HMGCLL1: variants seen among roughly 807,000 people sequenced by gnomAD.
HMGCLL1 encodes the protein 3-hydroxy-3-methylglutaryl-CoA lyase like 1.
Under a neutral mutation model 39.1 loss-of-function variants are expected in HMGCLL1, and 36 were observed. That is an observed-to-expected ratio of 0.92 (90% CI 0.71 to 1.22). The LOEUF is 1.22. HMGCLL1 is among the 50% of genes most tolerant of loss of function. The pLI is 0.00. For synonymous variants in HMGCLL1, 149 were observed against 144.0 expected (o/e 1.03, Z -0.25); for missense variants, 451 against 416.5 (o/e 1.08, Z -0.72).
At chr6:55,563,860 A>C (rs4398737) in intron 1 of HMGCLL1, 490,566 of 1,283,814 alleles carry the variant, frequency 0.38, 95,487 homozygotes, top group East Asian at 0.55. Flanking sequence ...TATGATGGGG[A>C]TCAGGGCTTC....
chr6:55,609,439 C>T, the HMGCLL1 span, among the ~76,000 whole-genome samples: 1 of 152,138 alleles, frequency 6.6e-6, no homozygotes, highest in Admixed American at 6.5e-5. Flanking sequence ...GCCTTTTAGG[C>T]CAGACCCTGA....
At chr6:55,652,143 A>G in the HMGCLL1 span, among the ~76,000 whole-genome samples, 1 of 151,952 alleles carries the variant, frequency 6.6e-6, no homozygotes, top group Admixed American at 6.6e-5. Context: ...CGGGGAGGGG[A>G]GATAAGTGAT....
At chr6:55,443,611 T>C (rs1763697458) in intron 7 of HMGCLL1, among the ~76,000 whole-genome samples, 1 of 151,902 alleles carries the variant, frequency 6.6e-6, no homozygotes, top group African/African-American at 2.4e-5. Context: ...GAGAAACCAG[T>C]ATTACCACAG....
chr6:55,650,718 A>G, the HMGCLL1 span, among the ~76,000 whole-genome samples: 1,206 of 152,126 alleles, frequency 7.9e-3, 9 homozygotes, highest in Non-Finnish European at 0.012. Flanking sequence ...CTGATGTTCT[A>G]TTCTACTGTT....
At chr6:55,599,004 A>G in the HMGCLL1 span, among the ~76,000 whole-genome samples, 1 of 152,180 alleles carries the variant, frequency 6.6e-6, no homozygotes, top group African/African-American at 2.4e-5. Context: ...TCAGCAAACT[A>G]ACACAGGAAC....
the HMGCLL1 span, among the ~76,000 whole-genome samples, chr6:55,678,428 C>T: frequency 2.0e-5 from 3 of 151,302 alleles, no homozygotes; most frequent in African/African-American, 7.3e-5. Context: ...TACTAGTAAG[C>T]CTGCTTTATG....
At chr6:55,464,449 C>A (rs2127398677) in intron 7 of HMGCLL1, among the ~76,000 whole-genome samples, 1 of 152,244 alleles carries the variant, frequency 6.6e-6, no homozygotes, top group Admixed American at 6.5e-5. Context: ...GGATAACCAC[C>A]TCCAGGATAT....
chr6:55,647,745 C>CTTTTTTTTTT, the HMGCLL1 span, among the ~76,000 whole-genome samples: 24 of 115,862 alleles, frequency 2.1e-4, no homozygotes, highest in Middle Eastern at 4.7e-3. Context: ...TTTTTTTTTC[C>CTTTTTTTTTT]TTTTTTTTTT....
the HMGCLL1 span, among the ~76,000 whole-genome samples, chr6:55,587,685 C>T: frequency 0.06 from 9,080 of 151,970 alleles, 339 homozygotes; most frequent in South Asian, 0.11. Flanking sequence ...CACACATAGG[C>T]TCAAAATAAA....
chr6:55,631,568 C>A, the HMGCLL1 span, among the ~76,000 whole-genome samples: 1 of 152,034 alleles, frequency 6.6e-6, no homozygotes, highest in Non-Finnish European at 1.5e-5. Context: ...CGACTCCCAG[C>A]AATATTTGCA....
intron 5 of HMGCLL1, chr6:55,513,070 TC>T (rs1767545647): frequency 6.6e-6 from 1 of 152,128 alleles, no homozygotes; most frequent in African/African-American, 2.4e-5. Flanking sequence ...CTCTCCTCCC[TC>T]CCCCATACCT....
intron 7 of HMGCLL1, among the ~76,000 whole-genome samples, chr6:55,483,724 T>C (rs1765859486): frequency 6.6e-6 from 1 of 152,238 alleles, no homozygotes; most frequent in Admixed American, 6.5e-5. Context: ...TCTACTATTT[T>C]TCAAGTAGGA....
the HMGCLL1 span, among the ~76,000 whole-genome samples, chr6:55,655,641 G>A: frequency 6.6e-6 from 1 of 151,742 alleles, no homozygotes; most frequent in African/African-American, 2.4e-5. Flanking sequence ...AAATATGTAT[G>A]GACTCTTTCT....
At chr6:55,457,066 T>TGTG (rs1183894215) in intron 7 of HMGCLL1, among the ~76,000 whole-genome samples, 7 of 152,208 alleles carry the variant, frequency 4.6e-5, no homozygotes, top group Non-Finnish European at 1.0e-4. Context: ...ATACTTTTCC[T>TGTG]TTCACCTGTG....
Position 55,538,710 on chromosome 6 carries a change from C to T in HMGCLL1, c.297+3019G>A, listed in dbSNP as rs529192935. 2.6e-5 allele frequency among the ~76,000 whole-genome samples: 4 copies of T among 152,150 alleles called. No individual in the cohort carries two copies. In the East Asian group the frequency reaches 7.7e-4, roughly 29 times the overall value. On this transcript the variant is annotated intron_variant, in intron 3 of 8. Coordinates refer to ENST00000274901, the MANE Select transcript of HMGCLL1 (RefSeq NM_001042406.2). ...TTTATTTTTTTTATTTTACATTGAG[C>T]ACCTACTTACTATGTACTGAGAAAT...
the HMGCLL1 span, among the ~76,000 whole-genome samples, chr6:55,648,274 GGTATATACCCAGTACATCACAA>G: frequency 6.6e-6 from 1 of 150,980 alleles, no homozygotes; most frequent in Non-Finnish European, 1.5e-5. Context: ...TACTCATTTG[GGTATATACCCAGTACATCACAA>G]TTAAAAGAAC....
At chr6:55,622,446 C>A in the HMGCLL1 span, among the ~76,000 whole-genome samples, 3 of 152,028 alleles carry the variant, frequency 2.0e-5, no homozygotes, top group Non-Finnish European at 4.4e-5. Flanking sequence ...TATGTTCCTT[C>A]TAAACCCAGT....
chr6:55,650,761 T>C, the HMGCLL1 span, among the ~76,000 whole-genome samples: 52,076 of 151,874 alleles, frequency 0.34, 9,228 homozygotes, highest in African/African-American at 0.42. Flanking sequence ...TATACAAAGT[T>C]TTCCTTGCTC....
At chr6:55,462,582 G>T (rs1764621314) in intron 7 of HMGCLL1, among the ~76,000 whole-genome samples, 1 of 152,066 alleles carries the variant, frequency 6.6e-6, no homozygotes, top group Admixed American at 6.6e-5. Flanking sequence ...TGTGCCAATA[G>T]AATCTTATAA....
Sources: gnomAD v4.1 joint callset for allele counts (sites outside exome capture counted in the v4.1 genomes callset) on GRCh38, gnomAD v4.1.1 for gene constraint, MANE v1.5 for transcripts, NCBI Gene and HGNC (gene_info 2026-07-23, HGNC 2026-07-21) for gene names.